Variants in MYL12B observed in about 807,000 individuals in gnomAD.
MYL12B encodes myosin regulatory light chain 12B.
Under a neutral mutation model 12.9 loss-of-function variants are expected in MYL12B, and 3 were observed. The ratio of observed to expected loss-of-function variants is 0.23; its 90% CI spans 0.11 to 0.60. MYL12B has a LOEUF of 0.60. Ranked by LOEUF, MYL12B falls within the 20% of genes least tolerant of loss-of-function variation. The pLI, the probability that MYL12B is intolerant of heterozygous loss-of-function variation, is 0.89. For synonymous variants in MYL12B, 57 were observed against 71.9 expected (o/e 0.79, Z 1.05); for missense variants, 120 against 215.4 (o/e 0.56, Z 2.77).
chr18:3,262,180 C>T lies in MYL12B; in HGVS notation c.-73C>T, dbSNP rs1008937934. ...CACTGTCCGGCCACAGCCTAACGCT[C>T]TTCGCTGTCGTTTGTGGTCTCGCGC... On this transcript the variant is annotated 5_prime_UTR_variant, in exon 1 of 4. Coordinates refer to ENST00000237500, the MANE Select transcript of MYL12B (RefSeq NM_033546.4). 1.3e-5 allele frequency: 2 copies of T among 152,148 alleles called. No individual in the cohort carries two copies. Among genetic ancestry groups the T allele is most frequent in the African/African-American group, 4.8e-5 (2 of 41,450 alleles). 9.4% of individuals were successfully genotyped at this position (152,148 alleles called of 1,614,324 possible). A position where few individuals can be genotyped will look rare whatever the true frequency, so the allele number is the denominator to read the frequency against.
chr18:3,264,605 G>C (rs1229619442), intron 1 of MYL12B, among the ~76,000 whole-genome samples: 1 of 152,174 alleles, frequency 6.6e-6, no homozygotes, highest in African/African-American at 2.4e-5. Context: ...CCAGCTGCTC[G>C]AGGCTGAGTC....
chr18:3,271,158 T>C (rs1159987340), intron 1 of MYL12B, among the ~76,000 whole-genome samples: 3 of 152,204 alleles, frequency 2.0e-5, no homozygotes, highest in African/African-American at 7.2e-5. Context: ...AGTTTTGGTA[T>C]GTGAAGAAGA....
intron 2 of MYL12B, among the ~76,000 whole-genome samples, chr18:3,274,465 A>AC (rs112841149): frequency 0.96 from 145,823 of 152,254 alleles, 69,892 homozygotes; most frequent in Non-Finnish European, 0.98. Context: ...GAATCAGGTA[A>AC]CCCCAGAATC....
intron 1 of MYL12B, among the ~76,000 whole-genome samples, chr18:3,271,480 G>T (rs1002848217): frequency 1.3e-5 from 2 of 152,146 alleles, no homozygotes; most frequent in African/African-American, 4.8e-5. Flanking sequence ...GGAGACTTAG[G>T]TCCAAAATCC....
At chr18:3,265,127 A>G (rs1369261921) in intron 1 of MYL12B, among the ~76,000 whole-genome samples, 1 of 152,146 alleles carries the variant, frequency 6.6e-6, no homozygotes, top group African/African-American at 2.4e-5. Flanking sequence ...GGTGTTAAAA[A>G]AAGTTGAAAA....
rs1463687153 is a variant in MYL12B, at chr18:3,277,972, C to G, written c.*35C>G. ...AGCTAAAATCTTCCAGTTACATTGT[C>G]TTACTCTCTTTTACTTCTCAGACAC... On this transcript the variant is annotated 3_prime_UTR_variant, in exon 4 of 4. Coordinates refer to ENST00000237500, the MANE Select transcript of MYL12B (RefSeq NM_033546.4). The G allele has an allele frequency of 2.5e-6, 4 of 1,600,248 alleles. No individual in the cohort carries two copies. Among genetic ancestry groups the G allele is most frequent in the East Asian group, 2.3e-5 (1 of 44,332 alleles).
At chr18:3,276,371 C>T in intron 2 of MYL12B, 1 of 967,830 alleles carries the variant, frequency 1.0e-6, no homozygotes, top group South Asian at 4.8e-5. Context: ...ACACTCCCAC[C>T]ATGTCTGGCC....
At chr18:3,268,498 ACCCAACC>A (rs1431713031) in intron 1 of MYL12B, among the ~76,000 whole-genome samples, 1 of 152,146 alleles carries the variant, frequency 6.6e-6, no homozygotes, top group Non-Finnish European at 1.5e-5. Flanking sequence ...ACCTGACTAA[ACCCAACC>A]AGGGCTACTA....
chr18:3,263,934 T>C (rs1042277743), intron 1 of MYL12B, among the ~76,000 whole-genome samples: 1 of 152,256 alleles, frequency 6.6e-6, no homozygotes, highest in African/African-American at 2.4e-5. Flanking sequence ...TTATTCTCTT[T>C]ACCCTGATTT....
At chr18:3,270,604 G>A (rs2081670262) in intron 1 of MYL12B, among the ~76,000 whole-genome samples, 1 of 152,148 alleles carries the variant, frequency 6.6e-6, no homozygotes, top group Non-Finnish European at 1.5e-5. Flanking sequence ...CTTCAAAAAT[G>A]TTTAAATATA....
chr18:3,272,878 A>G lies in MYL12B; in HGVS notation c.-15-6A>G, dbSNP rs753621416. On this transcript the variant is annotated splice_polypyrimidine_tract_variant and splice_region_variant and intron_variant, in intron 1 of 3. Transcript: ENST00000237500. ...TTTACGTTTTTGTGTTTTTTTTTTA[A>G]TCCAGAATTAAACAACCACCATGTC... 1.6e-5 allele frequency: 25 copies of G among 1,540,934 alleles called. No homozygotes were observed. The African/African-American group carries it at 3.4e-4, about 21-fold the overall frequency.
intron 1 of MYL12B, chr18:3,272,302 G>GGAT: frequency 4.9e-5 from 10 of 202,776 alleles, no homozygotes; most frequent in Non-Finnish European, 5.3e-5. Context: ...GGGAATAAGA[G>GGAT]TACCTACCAT....
intron 1 of MYL12B, among the ~76,000 whole-genome samples, chr18:3,271,238 A>C (rs1414942108): frequency 6.6e-6 from 1 of 152,200 alleles, no homozygotes; most frequent in African/African-American, 2.4e-5. Flanking sequence ...GATATAACTA[A>C]GGTCAAATAA....
chr18:3,266,242 C>T (rs1368051334), intron 1 of MYL12B, among the ~76,000 whole-genome samples: 3 of 152,142 alleles, frequency 2.0e-5, no homozygotes. Context: ...GACGCATAGC[C>T]GACAAGTTGG....
intron 1 of MYL12B, among the ~76,000 whole-genome samples, chr18:3,266,316 C>T (rs1191374130): frequency 5.9e-5 from 9 of 152,244 alleles, no homozygotes; most frequent in Non-Finnish European, 1.3e-4. Flanking sequence ...GGCTGTGTGT[C>T]TGCATGACCT....
intron 1 of MYL12B, among the ~76,000 whole-genome samples, chr18:3,268,849 C>T (rs1164411036): frequency 3.3e-5 from 5 of 152,174 alleles, no homozygotes; most frequent in African/African-American, 2.4e-5. Flanking sequence ...TATCTTTGAC[C>T]TTCAGTTTCT....
At chr18:3,274,585 T>C (rs978478254) in intron 2 of MYL12B, among the ~76,000 whole-genome samples, 4 of 152,222 alleles carry the variant, frequency 2.6e-5, no homozygotes, top group Non-Finnish European at 5.9e-5. Context: ...AATGGCTTGA[T>C]TGATTACAGC....
At chr18:3,265,681 C>T (rs545274104) in intron 1 of MYL12B, among the ~76,000 whole-genome samples, 3 of 152,244 alleles carry the variant, frequency 2.0e-5, no homozygotes, top group African/African-American at 7.2e-5. Flanking sequence ...TGAGTGGTAG[C>T]TTTATACTAC....
At chr18:3,262,303 TCCCGTCGCGCGCCTGCGGCCGGACCCC>T in intron 1 of MYL12B, 66 bp downstream of exon 1, 1 of 145,118 alleles carries the variant, frequency 6.9e-6, no homozygotes, top group Non-Finnish European at 1.5e-5. Flanking sequence ...CCGCGCCCCC[TCCCGTCGCGCGCCTGCGGCCGGACCCC>T]GCCCCAGGGC....
Sources: allele counts gnomAD v4.1 joint callset (sites outside exome capture counted in the v4.1 genomes callset), GRCh38; gene constraint gnomAD v4.1.1; transcripts MANE v1.5; gene names NCBI Gene and HGNC (gene_info 2026-07-23, HGNC 2026-07-21).